Variants in COPZ1 observed in about 807,000 individuals in gnomAD.
COPZ1 encodes coat protein complex I subunit zeta 1, also known as coatomer subunit zeta-1.
In COPZ1, 4 loss-of-function variants were observed where a neutral mutation model predicts 31.7. The observed-to-expected ratio is 0.13, with a 90% CI of 0.06 to 0.29. COPZ1 has a LOEUF of 0.29. COPZ1 is among the 10% of genes least tolerant of loss of function. COPZ1 has a pLI of 1.00. For missense variants in COPZ1, 156 were observed against 211.5 expected, an observed-to-expected ratio of 0.74 and a Z score of 1.63; for synonymous variants, 74 against 79.0, an observed-to-expected ratio of 0.94 and a Z score of 0.33.
intron 1 of COPZ1, among the ~76,000 whole-genome samples, chr12:54,329,111 A>G (rs918246429): frequency 6.6e-6 from 1 of 152,118 alleles, no homozygotes; most frequent in Non-Finnish European, 1.5e-5. Flanking sequence ...TTAGTTCCCA[A>G]TGCTTAATAA....
At chr12:54,332,129 C>T (rs1953767727) in intron 1 of COPZ1, among the ~76,000 whole-genome samples, 1 of 151,850 alleles carries the variant, frequency 6.6e-6, no homozygotes, top group Admixed American at 6.6e-5. Flanking sequence ...TTGAGACCAG[C>T]CTGACCAACA....
chr12:54,338,501 T>G (rs1272824939), intron 1 of COPZ1, among the ~76,000 whole-genome samples: 1 of 152,214 alleles, frequency 6.6e-6, no homozygotes, highest in Non-Finnish European at 1.5e-5. Context: ...GAGTGTTATA[T>G]ATACAGGATG....
At chr12:54,349,512 C>T in intron 7 of COPZ1, 108 bp from the exon 8 acceptor site, 4 of 882,706 alleles carry the variant, frequency 4.5e-6, no homozygotes, top group Non-Finnish European at 7.8e-6. Context: ...GTGCATCTGC[C>T]CTTTGTTTCA....
chr12:54,337,428 C>T (rs1953892778), intron 1 of COPZ1: 3 of 387,906 alleles, frequency 7.7e-6, no homozygotes, highest in Admixed American at 3.5e-5. Flanking sequence ...GTTACAAGGT[C>T]AAGCCTAGTC....
chr12:54,343,952 G>A (rs1370341419), intron 4 of COPZ1, among the ~76,000 whole-genome samples: 1 of 152,164 alleles, frequency 6.6e-6, no homozygotes, highest in African/African-American at 2.4e-5. Context: ...GTAGGCATTG[G>A]TGCCTTTGTT....
Position 54,343,299 on chromosome 12 carries a change from A to G in COPZ1, c.244A>G (p.Ser82Gly). The change falls in exon 4 of 9, where the codon AGC becomes GGC. Residue 82 changes from serine (S) to glycine (G), a missense_variant. Transcript: ENST00000262061. ...SIDLYFYVIG[S>G]SYENELMLMA... The stretch of plus-strand genomic sequence containing the variant: ...AGATCTCTATTTCTATGTGATTGGC[A>G]GCTCCTATGAAAATGAGGTGAGAAT... 1 of 1,613,552 alleles carries G rather than the reference A, an allele frequency of 6.2e-7. No individual in the cohort carries two copies. Among genetic ancestry groups the G allele is most frequent in the Non-Finnish European group, 8.5e-7 (1 of 1,179,480 alleles).
In COPZ1 at chr12:54,332,050, G is replaced by C. The variant is rs563141317; in HGVS notation, c.18+6869G>C. Among the ~76,000 whole-genome samples the C allele has an allele frequency of 5.3e-5, 8 of 152,336 alleles. No individual in the cohort carries two copies. The East Asian group carries it at 1.2e-3, about 22-fold the overall frequency. ...GTAAAAAATCCTCCAGCAAGGCCGG[G>C]CGCGGTGGCTCACGCCTGTAATCCA... On this transcript the variant is annotated intron_variant, in intron 1 of 8. Coordinates refer to ENST00000262061, the MANE Select transcript of COPZ1 (RefSeq NM_016057.3).
At chr12:54,328,244 C>T (rs1953690299) in intron 1 of COPZ1, among the ~76,000 whole-genome samples, 1 of 148,148 alleles carries the variant, frequency 6.8e-6, no homozygotes, top group East Asian at 2.0e-4. Context: ...CCACTGCACT[C>T]CAGCCCAGGC....
chr12:54,328,785 G>A (rs1176473140), intron 1 of COPZ1, among the ~76,000 whole-genome samples: 2 of 152,284 alleles, frequency 1.3e-5, no homozygotes, highest in South Asian at 4.1e-4. Flanking sequence ...GGAAACCTAT[G>A]TAATGCGGTT....
chr12:54,329,562 A>G (rs553837737), intron 1 of COPZ1, among the ~76,000 whole-genome samples: 1 of 152,242 alleles, frequency 6.6e-6, no homozygotes, highest in East Asian at 1.9e-4. Flanking sequence ...CCTGGGCAAA[A>G]AGTGAAACTC....
chr12:54,332,737 A>G (rs1486649984), intron 1 of COPZ1, among the ~76,000 whole-genome samples: 3 of 151,546 alleles, frequency 2.0e-5, no homozygotes, highest in Non-Finnish European at 4.4e-5. Context: ...TCAGTCTTAA[A>G]AAAAAAAAGG....
chr12:54,328,926 T>C (rs1265556084), intron 1 of COPZ1, among the ~76,000 whole-genome samples: 1 of 152,186 alleles, frequency 6.6e-6, no homozygotes, highest in Non-Finnish European at 1.5e-5. Flanking sequence ...AAAGTTTGCA[T>C]TGATTGTGGA....
chr12:54,325,171 C>G lies in COPZ1; in HGVS notation c.8C>G (p.Ala3Gly), dbSNP rs1592192175. The G allele has an allele frequency of 5.8e-6, 9 of 1,562,096 alleles. No individual in the cohort carries two copies. Among genetic ancestry groups the G allele is most frequent in the Non-Finnish European group, 6.9e-6 (8 of 1,153,690 alleles). ME[A>G]LILEPSLYTV... ...CACCAGCTGCGGGGCAAGATGGAGGCGCTGATTTTGGTAGGAGCTGGAGGG... is the reference window on the plus strand; with the variant it reads ...CACCAGCTGCGGGGCAAGATGGAGGGGCTGATTTTGGTAGGAGCTGGAGGG... The change falls in exon 1 of 9, where the codon GCG becomes GGG. Residue 3 changes from alanine (A) to glycine (G), a missense_variant. Coordinates refer to ENST00000262061, the MANE Select transcript of COPZ1 (RefSeq NM_016057.3).
At chr12:54,339,193 G>A (rs1356248352) in intron 1 of COPZ1, among the ~76,000 whole-genome samples, 1 of 151,406 alleles carries the variant, frequency 6.6e-6, no homozygotes, top group Non-Finnish European at 1.5e-5. Context: ...AGGCCTAGGT[G>A]GGAGGATTGT....
chr12:54,327,953 G>T (rs904504294), intron 1 of COPZ1, among the ~76,000 whole-genome samples: 2 of 151,922 alleles, frequency 1.3e-5, no homozygotes, highest in African/African-American at 4.8e-5. Context: ...TGTGTAGTGG[G>T]TAAGCTGGGG....
At chr12:54,343,164 C>G in intron 3 of COPZ1, 61 bp from the exon 4 acceptor site, 7 of 1,348,102 alleles carry the variant, frequency 5.2e-6, no homozygotes. Context: ...GCTGGTAACT[C>G]CTTCTTTCCT....
At chr12:54,349,126 TC>T (rs3839969) in intron 7 of COPZ1, among the ~76,000 whole-genome samples, 21,869 of 151,818 alleles carry the variant, frequency 0.14, 1,747 homozygotes, top group East Asian at 0.2. Flanking sequence ...AGAGAGAGGG[TC>T]CCCCCCATCA....
chr12:54,349,790 C>A, intron 8 of COPZ1, 132 bp downstream of exon 8: 1 of 827,924 alleles, frequency 1.2e-6, no homozygotes, highest in Non-Finnish European at 2.1e-6. Flanking sequence ...CCCTCTTATT[C>A]CAGAGAACTG....
intron 8 of COPZ1, 92 bp from the exon 9 acceptor site, chr12:54,350,384 G>A: frequency 2.1e-6 from 2 of 973,620 alleles, no homozygotes; most frequent in African/African-American, 3.2e-5. Flanking sequence ...TCTAAGGACA[G>A]GGAAGACAAG....
Sources: allele counts gnomAD v4.1 joint callset (sites outside exome capture counted in the v4.1 genomes callset), GRCh38; gene constraint gnomAD v4.1.1; transcripts MANE v1.5; gene names NCBI Gene and HGNC (gene_info 2026-07-23, HGNC 2026-07-21).